Variants in CEP83 observed in about 807,000 individuals in gnomAD.
CEP83 encodes centrosomal protein of 83 kDa.
A neutral mutation model predicts 101.9 loss-of-function variants in CEP83; 70 were observed. That is an observed-to-expected ratio of 0.69 (90% CI 0.57 to 0.84). CEP83 has a LOEUF of 0.84. CEP83 is among the 40% of genes least tolerant of loss of function. The pLI is 0.00. For synonymous variants in CEP83, 264 were observed against 267.9 expected, an observed-to-expected ratio of 0.99 and a Z score of 0.14; for missense variants, 715 against 787.2, an observed-to-expected ratio of 0.91 and a Z score of 1.10.
intron 6 of CEP83, among the ~76,000 whole-genome samples, chr12:94,387,339 G>T (rs1378319117): frequency 6.6e-6 from 1 of 152,116 alleles, no homozygotes; most frequent in African/African-American, 2.4e-5. Flanking sequence ...TTCTCATAGT[G>T]GTGTGAACCC....
chr12:94,310,315 A>T lies in CEP83; in HGVS notation c.1812-208T>A, dbSNP rs181491757. Among the ~76,000 whole-genome samples, 632 of 152,208 alleles carry T rather than the reference A, an allele frequency of 4.2e-3. 8 individuals carry two copies. Among genetic ancestry groups the T allele is most frequent in the African/African-American group, 0.015 (616 of 41,538 alleles). On this transcript the variant is annotated intron_variant, in intron 15 of 16. Coordinates refer to ENST00000397809, the MANE Select transcript of CEP83 (RefSeq NM_016122.3). ...CAATCATTAGCATTGCAGACTATCAACTCATTATAAAGTTTTATTTGCTAA... is the reference window on the plus strand; with the variant it reads ...CAATCATTAGCATTGCAGACTATCATCTCATTATAAAGTTTTATTTGCTAA...
At chr12:94,373,732 C>G (rs573725862) in intron 8 of CEP83, among the ~76,000 whole-genome samples, 1 of 152,324 alleles carries the variant, frequency 6.6e-6, no homozygotes, top group South Asian at 2.1e-4. Context: ...GATACTCACA[C>G]TGACATAACT....
At chr12:94,320,973 G>A (rs2058721070) in intron 14 of CEP83, among the ~76,000 whole-genome samples, 1 of 152,192 alleles carries the variant, frequency 6.6e-6, no homozygotes, top group Non-Finnish European at 1.5e-5. Flanking sequence ...TGTTTCCTAA[G>A]TTGTTTGCTT....
intron 2 of CEP83, 88 bp from the exon 3 acceptor site, chr12:94,412,679 ATTCTTTTTTTT>A (rs2063962286): frequency 1.0e-5 from 4 of 387,870 alleles, no homozygotes; most frequent in South Asian, 4.9e-5. Flanking sequence ...CACTTTTATT[ATTCTTTTTTTT>A]TTCTTTTTTT....
chr12:94,399,701 G>A (rs2063136800), intron 6 of CEP83, among the ~76,000 whole-genome samples: 1 of 152,150 alleles, frequency 6.6e-6, no homozygotes, highest in South Asian at 2.1e-4. Flanking sequence ...TCCAGCCTGG[G>A]CCACAGAGCA....
intron 1 of CEP83, among the ~76,000 whole-genome samples, chr12:94,455,277 T>G (rs904133976): frequency 2.0e-5 from 3 of 152,160 alleles, no homozygotes; most frequent in Non-Finnish European, 2.9e-5. Flanking sequence ...CAAAATGCAA[T>G]CACACTTGAG....
the CEP83 span, chr12:94,297,188 G>C: frequency 6.2e-7 from 1 of 1,613,960 alleles, no homozygotes. Flanking sequence ...CTGGCATTCA[G>C]ATGTGGAGTA....
chr12:94,457,514 C>T (rs1458902647), intron 1 of CEP83, among the ~76,000 whole-genome samples: 1 of 152,160 alleles, frequency 6.6e-6, no homozygotes, highest in Admixed American at 6.5e-5. Context: ...ATGCTGATTT[C>T]TGATTACTAA....
intron 14 of CEP83, among the ~76,000 whole-genome samples, chr12:94,321,219 A>C (rs2058730859): frequency 6.6e-6 from 1 of 152,096 alleles, no homozygotes; most frequent in Non-Finnish European, 1.5e-5. Flanking sequence ...GCTCTATCAG[A>C]TCAGTTAGGT....
chr12:94,297,445 C>CCATAAAGTGCTCCCAG, the CEP83 span: 1 of 1,494,360 alleles, frequency 6.7e-7, no homozygotes, highest in Non-Finnish European at 9.3e-7. Context: ...GTTCTGGGAG[C>CCATAAAGTGCTCCCAG]ACTTTATGGC....
intron 6 of CEP83, among the ~76,000 whole-genome samples, chr12:94,382,854 G>T (rs1317173831): frequency 6.6e-6 from 1 of 151,916 alleles, no homozygotes; most frequent in Middle Eastern, 3.2e-3. Flanking sequence ...CTCCTTGGGT[G>T]GCATGTTTTA....
At chr12:94,454,137 T>C (rs1429626936) in intron 1 of CEP83, among the ~76,000 whole-genome samples, 2 of 151,936 alleles carry the variant, frequency 1.3e-5, no homozygotes, top group Non-Finnish European at 1.5e-5. Context: ...AAATTGTGCT[T>C]AGTGATCTCA....
intron 14 of CEP83, among the ~76,000 whole-genome samples, chr12:94,313,529 A>T (rs1970194461): frequency 1.9e-5 from 1 of 52,792 alleles, no homozygotes; most frequent in South Asian, 7.3e-4. Context: ...GAACCCATTA[A>T]AAAAAAAAAA....
chr12:94,426,544 T>C (rs1455869640), intron 2 of CEP83, among the ~76,000 whole-genome samples: 1 of 152,200 alleles, frequency 6.6e-6, no homozygotes, highest in Non-Finnish European at 1.5e-5. Context: ...CTAATGCTAC[T>C]TTAGCCTCGA....
the CEP83 span, among the ~76,000 whole-genome samples, chr12:94,291,907 C>T: frequency 1.3e-5 from 2 of 152,214 alleles, no homozygotes; most frequent in South Asian, 2.1e-4. Flanking sequence ...TTGCCCCAGA[C>T]CCATCCCCGC....
At chr12:94,428,903 T>C (rs1488034133) in intron 2 of CEP83, among the ~76,000 whole-genome samples, 1 of 152,194 alleles carries the variant, frequency 6.6e-6, no homozygotes, top group African/African-American at 2.4e-5. Context: ...ACCTTTAATA[T>C]GCTAGACACT....
intron 4 of CEP83, among the ~76,000 whole-genome samples, chr12:94,403,666 A>AT (rs2063378370): frequency 6.6e-6 from 1 of 152,094 alleles, no homozygotes; most frequent in Non-Finnish European, 1.5e-5. Flanking sequence ...GAAAAGGCTC[A>AT]TTTTTACTCT....
At chr12:94,267,959 C>T in the CEP83 span, among the ~76,000 whole-genome samples, 1 of 152,120 alleles carries the variant, frequency 6.6e-6, no homozygotes, top group African/African-American at 2.4e-5. Flanking sequence ...AACCAAGGTG[C>T]GGTGAACAAA....
chr12:94,424,916 C>G, intron 2 of CEP83: 2 of 1,597,890 alleles, frequency 1.3e-6, no homozygotes, highest in Admixed American at 1.7e-5. Flanking sequence ...CTTGTTGTTT[C>G]TATTGTAGCC....
Sources: allele counts gnomAD v4.1 joint callset (sites outside exome capture counted in the v4.1 genomes callset), GRCh38; gene constraint gnomAD v4.1.1; transcripts MANE v1.5; gene names NCBI Gene and HGNC (gene_info 2026-07-23, HGNC 2026-07-21).